The following KSR2 variants were observed in gnomAD, a reference collection of about 807,000 sequenced individuals.
The protein encoded by KSR2 is kinase suppressor of ras 2.
A neutral mutation model predicts 107.8 loss-of-function variants in KSR2; 25 were observed. The ratio of observed to expected loss-of-function variants is 0.23; its 90% confidence interval spans 0.17 to 0.32. The LOEUF (loss-of-function observed/expected upper bound fraction) is 0.32, where lower values mean the gene tolerates loss of function less well. Among genes scored for constraint, KSR2 ranks in the 10% least tolerant of loss-of-function variants. The pLI, the probability that KSR2 is intolerant of heterozygous loss-of-function variation, is 1.00. For synonymous variants in KSR2, 480 were observed against 507.0 expected, an observed-to-expected ratio of 0.95 and a Z score of 0.71; for missense variants, 887 against 1,268.9, an observed-to-expected ratio of 0.70 and a Z score of 4.57.
intron 4 of KSR2, among the ~76,000 whole-genome samples, chr12:117,742,922 G>T (rs1435855287): frequency 6.6e-6 from 1 of 152,168 alleles, no homozygotes; most frequent in African/African-American, 2.4e-5. Context: ...CTAAAGCTGT[G>T]GTCAGGATGT....
At chr12:117,589,260 C>A (rs553926630) in intron 5 of KSR2, among the ~76,000 whole-genome samples, 5 of 152,134 alleles carry the variant, frequency 3.3e-5, no homozygotes, top group African/African-American at 1.2e-4. Flanking sequence ...GCTACTCTAC[C>A]CTAAATGTTT....
chr12:117,886,777 T>A (rs1894190074), intron 1 of KSR2, among the ~76,000 whole-genome samples: 1 of 152,146 alleles, frequency 6.6e-6, no homozygotes, highest in Admixed American at 6.5e-5. Context: ...CATACACACA[T>A]ATAGATGTTG....
At chr12:117,674,621 T>C (rs1018046919) in intron 4 of KSR2, among the ~76,000 whole-genome samples, 6 of 152,218 alleles carry the variant, frequency 3.9e-5, no homozygotes, top group Admixed American at 6.5e-5. Flanking sequence ...CTTTTGTGTC[T>C]GGCTTCTTCA....
intron 3 of KSR2, among the ~76,000 whole-genome samples, chr12:117,825,710 G>C (rs1891718477): frequency 6.6e-6 from 1 of 152,022 alleles, no homozygotes; most frequent in Non-Finnish European, 1.5e-5. Flanking sequence ...GTCCACAAAG[G>C]CAGGAGCTTT....
chr12:117,574,964 A>G (rs1661148793), intron 7 of KSR2, among the ~76,000 whole-genome samples: 1 of 151,704 alleles, frequency 6.6e-6, no homozygotes, highest in South Asian at 2.1e-4. Flanking sequence ...GGGCTTTCAG[A>G]GGACAGGAAA....
intron 4 of KSR2, among the ~76,000 whole-genome samples, chr12:117,670,340 T>C (rs1010808117): frequency 2.6e-5 from 4 of 152,228 alleles, no homozygotes; most frequent in African/African-American, 7.2e-5. Flanking sequence ...TTAAGCGCCA[T>C]GGTAACCTTA....
At chr12:117,517,891 G>A (rs976733896) in intron 14 of KSR2, 1 of 455,600 alleles carries the variant, frequency 2.2e-6, no homozygotes, top group African/African-American at 2.0e-5. Context: ...ACAAGTACAG[G>A]AGTTACAGAA....
intron 4 of KSR2, among the ~76,000 whole-genome samples, chr12:117,713,723 A>T (rs1352440527): frequency 6.6e-6 from 1 of 152,088 alleles, no homozygotes; most frequent in Non-Finnish European, 1.5e-5. Context: ...CTGTCCTCTC[A>T]CTCTCTCCTC....
chr12:117,855,465 G>A lies in KSR2; in HGVS notation c.435C>T (p.Asn145=), dbSNP rs373305764. The A allele has an allele frequency of 2.0e-5, 33 of 1,613,902 alleles. No homozygotes were observed. Among genetic ancestry groups the A allele is most frequent in the Middle Eastern group, 1.6e-4 (1 of 6,084 alleles). The change falls in exon 3 of 20, where the codon AAC becomes AAT. Residue 145 remains asparagine (N), a synonymous_variant. Coordinates refer to ENST00000339824, the MANE Select transcript of KSR2 (RefSeq NM_173598.6). ...CATTCCTGAGGCAGGAGAGGGAGGC[G>A]TTGAGGCGGGCACACTCCTCCCGGT... ...GANREECARL[N]ASLSCLRNVH... is the part of the protein sequence containing the mutation.
At chr12:117,940,064 A>C (rs527519240) in intron 1 of KSR2, among the ~76,000 whole-genome samples, 1 of 152,230 alleles carries the variant, frequency 6.6e-6, no homozygotes, top group African/African-American at 2.4e-5. Context: ...TTTTTATAAA[A>C]TACCAGGAAT....
At chr12:117,845,409 T>C (rs535613772) in intron 3 of KSR2, among the ~76,000 whole-genome samples, 1 of 152,214 alleles carries the variant, frequency 6.6e-6, no homozygotes, top group African/African-American at 2.4e-5. Context: ...GATCTTCTCC[T>C]GTCTGATGCT....
rs75470173 is a variant in KSR2 at position 117,476,217 on chromosome 12, T to C, written c.2582+247A>G. ...ATAGTAGGCAGCCAACAAATAGCTA[T>C]TGAATAAGTAAATGAGTTGGGTAAC... On this transcript the variant is annotated intron_variant, in intron 17 of 19. Coordinates refer to ENST00000339824, the MANE Select transcript of KSR2 (RefSeq NM_173598.6). Among the ~76,000 whole-genome samples, 1,503 of 152,346 alleles carry C rather than the reference T, an allele frequency of 9.9e-3. 29 individuals carry two copies. The highest frequency in any genetic ancestry group is 0.035 in the African/African-American group (1,445 of 41,586).
intron 4 of KSR2, among the ~76,000 whole-genome samples, chr12:117,744,801 G>A (rs1236903851): frequency 6.6e-6 from 1 of 152,100 alleles, no homozygotes; most frequent in African/African-American, 2.4e-5. Flanking sequence ...TAAAAGCATT[G>A]GGGGTTCTAT....
intron 5 of KSR2, among the ~76,000 whole-genome samples, chr12:117,640,864 A>G (rs1332871216): frequency 2.0e-5 from 3 of 152,140 alleles, no homozygotes; most frequent in African/African-American, 7.2e-5. Context: ...CACAGCTGAG[A>G]AGAGCTCATG....
intron 1 of KSR2, among the ~76,000 whole-genome samples, chr12:117,964,438 A>G (rs1896738301): frequency 1.3e-5 from 2 of 152,240 alleles, no homozygotes; most frequent in Admixed American, 1.3e-4. Context: ...AGCATTAAGT[A>G]CAGTGCCTGG....
At chr12:117,658,556 A>G (rs545571215) in intron 5 of KSR2, among the ~76,000 whole-genome samples, 1 of 152,322 alleles carries the variant, frequency 6.6e-6, no homozygotes, top group Admixed American at 6.5e-5. Flanking sequence ...CACAGAAATC[A>G]TACAGCCTGC....
chr12:117,771,853 ACACT>A (rs940113253), intron 3 of KSR2, among the ~76,000 whole-genome samples: 3 of 151,782 alleles, frequency 2.0e-5, no homozygotes, highest in African/African-American at 7.3e-5. Flanking sequence ...ACACAAACAC[ACACT>A]CACACATACC....
At chr12:117,523,802 G>C (rs1298571029) in intron 14 of KSR2, among the ~76,000 whole-genome samples, 1 of 152,134 alleles carries the variant, frequency 6.6e-6, no homozygotes, top group Non-Finnish European at 1.5e-5. Flanking sequence ...GCGAAACCCT[G>C]TCTCTACTAA....
chr12:117,497,339 C>T (rs1168567696), intron 14 of KSR2, among the ~76,000 whole-genome samples: 1 of 152,198 alleles, frequency 6.6e-6, no homozygotes, highest in Admixed American at 6.5e-5. Context: ...GTGCTAGATG[C>T]TTCCATTAAT....
Sources: allele counts gnomAD v4.1 joint callset (sites outside exome capture counted in the v4.1 genomes callset), GRCh38; gene constraint gnomAD v4.1.1; transcripts MANE v1.5; gene names NCBI Gene and HGNC (gene_info 2026-07-23, HGNC 2026-07-21).